Variants in SGCZ observed in about 807,000 individuals in gnomAD.
SGCZ encodes the protein zeta-sarcoglycan.
Under a neutral mutation model 41.3 loss-of-function variants are expected in SGCZ, and 40 were observed. That is an observed-to-expected ratio of 0.97 (90% CI 0.75 to 1.26). The LOEUF (loss-of-function observed/expected upper bound fraction) is 1.26, where lower values mean the gene tolerates loss of function less well. SGCZ is among the 50% of genes most tolerant of loss of function. The pLI is 0.00. For missense variants in SGCZ, 552 were observed against 369.8 expected, an observed-to-expected ratio of 1.49 and a Z score of -4.04; for synonymous variants, 206 against 137.5, an observed-to-expected ratio of 1.50 and a Z score of -3.49.
chr8:14,763,182 T>G (rs1460810869), intron 1 of SGCZ, among the ~76,000 whole-genome samples: 3 of 152,184 alleles, frequency 2.0e-5, no homozygotes, highest in African/African-American at 7.2e-5. Context: ...TCTCAGAGAC[T>G]GGCCTGTCAA....
chr8:15,212,395 A>T (rs865805040), intron 1 of SGCZ, among the ~76,000 whole-genome samples: 29 of 152,206 alleles, frequency 1.9e-4, no homozygotes, highest in East Asian at 1.4e-3. Context: ...AACATTTTTT[A>T]AAAAATCCTA....
At chr8:14,660,485 T>C (rs1451395436) in intron 1 of SGCZ, among the ~76,000 whole-genome samples, 2 of 148,246 alleles carry the variant, frequency 1.3e-5, no homozygotes, top group African/African-American at 5.1e-5. Context: ...GGCAGGAGAA[T>C]TGCTTGAAAC....
intron 1 of SGCZ, among the ~76,000 whole-genome samples, chr8:14,889,971 C>A (rs1420597218): frequency 6.6e-6 from 1 of 152,050 alleles, no homozygotes; most frequent in East Asian, 1.9e-4. Flanking sequence ...AGGCCTCCTG[C>A]ACCAAGGGAG....
chr8:14,411,299 A>T (rs1020941448), intron 2 of SGCZ, among the ~76,000 whole-genome samples: 1 of 152,184 alleles, frequency 6.6e-6, no homozygotes, highest in Non-Finnish European at 1.5e-5. Context: ...AAAAAACGTA[A>T]AAGTTTTTAC....
intron 1 of SGCZ, among the ~76,000 whole-genome samples, chr8:14,638,448 G>A (rs1163899875): frequency 6.6e-6 from 1 of 151,818 alleles, no homozygotes; most frequent in Non-Finnish European, 1.5e-5. Context: ...ATTAAAGCCA[G>A]TATAATTTCT....
intron 1 of SGCZ, among the ~76,000 whole-genome samples, chr8:15,176,658 G>C (rs1663055780): frequency 1.3e-5 from 2 of 152,130 alleles, no homozygotes. Context: ...AACAAATACA[G>C]AACAGTTTTC....
At chr8:14,892,359 T>C (rs1271553795) in intron 1 of SGCZ, among the ~76,000 whole-genome samples, 2 of 152,144 alleles carry the variant, frequency 1.3e-5, no homozygotes, top group Non-Finnish European at 2.9e-5. Context: ...TGTAAGTAAA[T>C]GTGAGCTTAC....
intron 1 of SGCZ, among the ~76,000 whole-genome samples, chr8:14,975,809 A>ATATATATATATATATGTG (rs1181919961): frequency 1.3e-4 from 17 of 131,918 alleles, no homozygotes; most frequent in Non-Finnish European, 1.5e-5. Flanking sequence ...ATATATATAT[A>ATATATATATATATATGTG]TGTGTGTGTG....
At chr8:14,993,664 G>A (rs909254201) in intron 1 of SGCZ, among the ~76,000 whole-genome samples, 23 of 152,120 alleles carry the variant, frequency 1.5e-4, no homozygotes, top group South Asian at 2.1e-4. Context: ...AATTCTAGCC[G>A]GGGCAGTGAG....
At chr8:14,696,407 T>C (rs1049897305) in intron 1 of SGCZ, among the ~76,000 whole-genome samples, 1 of 152,138 alleles carries the variant, frequency 6.6e-6, no homozygotes. Context: ...GATAACAAGC[T>C]GTTTATTAAA....
chr8:14,684,489 G>T (rs566431688), intron 1 of SGCZ, among the ~76,000 whole-genome samples: 19 of 152,162 alleles, frequency 1.2e-4, no homozygotes, highest in Non-Finnish European at 2.1e-4. Context: ...ATTGTAGTGA[G>T]TTGGCTCGTG....
intron 1 of SGCZ, among the ~76,000 whole-genome samples, chr8:14,736,977 A>G (rs556552074): frequency 1.3e-4 from 19 of 151,512 alleles, no homozygotes; most frequent in Non-Finnish European, 2.8e-4. Context: ...ACCAAACCAA[A>G]TCCACATCAA....
intron 3 of SGCZ, among the ~76,000 whole-genome samples, chr8:14,291,600 T>C (rs1800845077): frequency 6.6e-6 from 1 of 152,030 alleles, no homozygotes; most frequent in Non-Finnish European, 1.5e-5. Context: ...TACTAGTTGT[T>C]TTACTAATAA....
At chr8:15,126,767 G>A (rs933763737) in intron 1 of SGCZ, among the ~76,000 whole-genome samples, 4 of 152,148 alleles carry the variant, frequency 2.6e-5, no homozygotes, top group African/African-American at 9.7e-5. Context: ...GCAACTGCCT[G>A]TGGCTAAGGA....
At chr8:15,204,842 G>T (rs748168025) in intron 1 of SGCZ, among the ~76,000 whole-genome samples, 2 of 152,024 alleles carry the variant, frequency 1.3e-5, no homozygotes, top group Non-Finnish European at 2.9e-5. Context: ...CCCAAGAGAG[G>T]GGAACTATCT....
At chr8:14,398,073 G>C (rs1302473563) in intron 2 of SGCZ, among the ~76,000 whole-genome samples, 1 of 151,912 alleles carries the variant, frequency 6.6e-6, no homozygotes. Flanking sequence ...ATCAACTCAA[G>C]GGACCCTTTT....
At chr8:14,516,839 T>G (rs919687156) in intron 2 of SGCZ, among the ~76,000 whole-genome samples, 6 of 152,078 alleles carry the variant, frequency 3.9e-5, no homozygotes, top group Non-Finnish European at 8.8e-5. Context: ...TTTTATAAAT[T>G]GAGGGAACTT....
intron 2 of SGCZ, among the ~76,000 whole-genome samples, chr8:14,413,693 C>CT (rs1305332909): frequency 6.6e-6 from 1 of 151,914 alleles, no homozygotes; most frequent in Admixed American, 6.6e-5. Context: ...TGCCTATTTC[C>CT]TTTTTTGAGA....
intron 1 of SGCZ, among the ~76,000 whole-genome samples, chr8:14,811,889 A>T (rs1189886510): frequency 2.0e-5 from 3 of 151,984 alleles, no homozygotes; most frequent in African/African-American, 7.2e-5. Context: ...TTTCAATTAT[A>T]TATAAGCATT....
Sources: allele counts gnomAD v4.1 joint callset (sites outside exome capture counted in the v4.1 genomes callset), GRCh38; gene constraint gnomAD v4.1.1; transcripts MANE v1.5; gene names NCBI Gene and HGNC (gene_info 2026-07-23, HGNC 2026-07-21).